The following NAV3 variants were observed in gnomAD, a reference collection of about 807,000 sequenced individuals.
The protein encoded by NAV3 is pore membrane and/or filament interacting like protein 1.
NAV3 carries 87 observed loss-of-function variants against 244.7 expected under a neutral mutation model. That is an observed-to-expected ratio of 0.36 (90% CI 0.30 to 0.42). The LOEUF (loss-of-function observed/expected upper bound fraction) is 0.42, where lower values mean the gene tolerates loss of function less well. Among genes scored for constraint, NAV3 ranks in the 20% least tolerant of loss-of-function variants. The probability of loss-of-function intolerance (pLI) is 1.00; values close to 1 mark genes in which losing one functional copy is unlikely to be tolerated. For missense variants in NAV3, 2,663 were observed against 2,893.3 expected (o/e 0.92, Z 1.83); for synonymous variants, 1,126 against 1,042.2 (o/e 1.08, Z -1.55).
chr12:77,650,213 A>G (rs1365526181), intron 2 of NAV3, among the ~76,000 whole-genome samples: 1 of 152,188 alleles, frequency 6.6e-6, no homozygotes, highest in Non-Finnish European at 1.5e-5. Flanking sequence ...TCCTTACGCA[A>G]ATAATCACAC....
At chr12:78,042,132 A>G (rs1011960887) in intron 9 of NAV3, among the ~76,000 whole-genome samples, 6 of 152,172 alleles carry the variant, frequency 3.9e-5, no homozygotes, top group African/African-American at 1.4e-4. Flanking sequence ...ATTGAACAGA[A>G]TAAAAACTGT....
chr12:77,740,320 C>G (rs994529595), intron 2 of NAV3, among the ~76,000 whole-genome samples: 3 of 151,876 alleles, frequency 2.0e-5, no homozygotes, highest in African/African-American at 7.3e-5. Context: ...TATGGAGTAT[C>G]AGAATGCTAT....
chr12:77,802,323 A>C (rs1871751134), intron 2 of NAV3, among the ~76,000 whole-genome samples: 1 of 152,202 alleles, frequency 6.6e-6, no homozygotes, highest in Admixed American at 6.5e-5. Flanking sequence ...TAACTTTCTA[A>C]AGCAATATAA....
intron 2 of NAV3, among the ~76,000 whole-genome samples, chr12:77,632,434 G>C (rs1871954592): frequency 6.6e-6 from 1 of 152,168 alleles, no homozygotes; most frequent in Non-Finnish European, 1.5e-5. Flanking sequence ...TACGTGGATG[G>C]CGGCAGGCAA....
chr12:77,779,110 T>C (rs981279396), intron 2 of NAV3, among the ~76,000 whole-genome samples: 1 of 152,260 alleles, frequency 6.6e-6, no homozygotes, highest in Non-Finnish European at 1.5e-5. Context: ...ATGACACTTT[T>C]GTGGCAATCT....
At chr12:78,038,141 G>C (rs1163428969) in intron 9 of NAV3, among the ~76,000 whole-genome samples, 8 of 152,184 alleles carry the variant, frequency 5.3e-5, no homozygotes, top group Non-Finnish European at 1.0e-4. Flanking sequence ...TCTATAGTTT[G>C]TGACTAAACT....
intron 19 of NAV3, among the ~76,000 whole-genome samples, chr12:78,139,670 T>C (rs1039093290): frequency 2.6e-5 from 4 of 151,946 alleles, no homozygotes; most frequent in African/African-American, 9.7e-5. Context: ...TATTTTGAAA[T>C]AGATAAAAGC....
At chr12:77,599,159 A>G (rs937796073) in intron 2 of NAV3, among the ~76,000 whole-genome samples, 1 of 151,880 alleles carries the variant, frequency 6.6e-6, no homozygotes, top group Non-Finnish European at 1.5e-5. Flanking sequence ...TCAGCATTAT[A>G]TCCACCAGAT....
intron 12 of NAV3, among the ~76,000 whole-genome samples, chr12:78,098,559 G>A (rs1390577270): frequency 6.6e-6 from 1 of 151,544 alleles, no homozygotes; most frequent in African/African-American, 2.4e-5. Context: ...AAGAGGAGGA[G>A]AAATCAAATT....
intron 18 of NAV3, among the ~76,000 whole-genome samples, chr12:78,135,819 A>G (rs553659521): frequency 6.6e-6 from 1 of 152,000 alleles, no homozygotes; most frequent in South Asian, 2.1e-4. Context: ...TCCCTTTTTT[A>G]CTTTTTTCGC....
intron 1 of NAV3, among the ~76,000 whole-genome samples, chr12:77,933,794 TAAC>T (rs1324954416): frequency 6.6e-6 from 1 of 152,214 alleles, no homozygotes; most frequent in Non-Finnish European, 1.5e-5. Flanking sequence ...ATCAGTTCTG[TAAC>T]AACAACTGCA....
chr12:77,652,743 T>C (rs547668183), intron 2 of NAV3, among the ~76,000 whole-genome samples: 1 of 152,300 alleles, frequency 6.6e-6, no homozygotes, highest in Admixed American at 6.5e-5. Flanking sequence ...TTTAGTAAAA[T>C]AATGATTTTT....
At chr12:77,955,695 C>A (rs904834607) in intron 3 of NAV3, among the ~76,000 whole-genome samples, 3 of 151,938 alleles carry the variant, frequency 2.0e-5, no homozygotes, top group Non-Finnish European at 4.4e-5. Context: ...TATGGTGAAA[C>A]CACATCTCTA....
At chr12:78,199,577 G>T in intron 37 of NAV3, 46 bp downstream of exon 37, 1 of 1,398,336 alleles carries the variant, frequency 7.2e-7, no homozygotes, top group Non-Finnish European at 9.6e-7. Flanking sequence ...AACTAACAGT[G>T]CTTGGTAAAG....
At chr12:77,578,366 A>C (rs2136666407) in intron 2 of NAV3, among the ~76,000 whole-genome samples, 1 of 152,246 alleles carries the variant, frequency 6.6e-6, no homozygotes, top group African/African-American at 2.4e-5. Context: ...AGGAGGATTA[A>C]GTTTTAGTTA....
intron 2 of NAV3, among the ~76,000 whole-genome samples, chr12:77,631,911 T>C (rs1871918913): frequency 6.6e-6 from 1 of 152,198 alleles, no homozygotes. Flanking sequence ...AAATAACCCA[T>C]GTTGCCTGGC....
At chr12:77,835,799 C>T (rs12313572) in intron 1 of NAV3, among the ~76,000 whole-genome samples, 2,452 of 152,262 alleles carry the variant, frequency 0.016, 73 homozygotes, top group African/African-American at 0.056. Flanking sequence ...CTTCTCATAT[C>T]TTATAATGTC....
At chr12:77,972,510 A>C (rs1427770345) in intron 5 of NAV3, among the ~76,000 whole-genome samples, 3 of 152,148 alleles carry the variant, frequency 2.0e-5, no homozygotes, top group Non-Finnish European at 4.4e-5. Context: ...ATTCCGAAAT[A>C]TTAAGCATCT....
At chr12:77,835,293 C>G (rs1874435596) in intron 1 of NAV3, among the ~76,000 whole-genome samples, 1 of 152,194 alleles carries the variant, frequency 6.6e-6, no homozygotes, top group Admixed American at 6.5e-5. Context: ...CAGCCATGTG[C>G]TCAGCTAAGA....
Sources: gnomAD v4.1 joint callset for allele counts (sites outside exome capture counted in the v4.1 genomes callset) on GRCh38, gnomAD v4.1.1 for gene constraint, MANE v1.5 for transcripts, NCBI Gene and HGNC (gene_info 2026-07-23, HGNC 2026-07-21) for gene names.